Variants in SH3RF1 observed in about 807,000 individuals in gnomAD.
SH3RF1 encodes SH3 domain containing ring finger 1, also known as E3 ubiquitin-protein ligase SH3RF1.
A neutral mutation model predicts 74.0 loss-of-function variants in SH3RF1; 32 were observed. That is an observed-to-expected ratio of 0.43 (90% CI 0.33 to 0.58). The LOEUF (loss-of-function observed/expected upper bound fraction) is 0.58, where lower values mean the gene tolerates loss of function less well. Among genes scored for constraint, SH3RF1 ranks in the 20% least tolerant of loss-of-function variants. The pLI is 0.05. For missense variants in SH3RF1, 954 were observed against 1,130.9 expected, an observed-to-expected ratio of 0.84 and a Z score of 2.24; for synonymous variants, 396 against 439.6, an observed-to-expected ratio of 0.90 and a Z score of 1.24.
intron 2 of SH3RF1, among the ~76,000 whole-genome samples, chr4:169,240,220 A>G (rs186096528): frequency 2.7e-4 from 41 of 151,730 alleles, no homozygotes; most frequent in African/African-American, 9.9e-4. Flanking sequence ...TTTTTGAGAC[A>G]GGGTCTCACT....
chr4:169,258,434 T>C (rs1357391818), intron 2 of SH3RF1, among the ~76,000 whole-genome samples: 1 of 152,186 alleles, frequency 6.6e-6, no homozygotes, highest in Non-Finnish European at 1.5e-5. Context: ...GTCTTCTTAA[T>C]ATTTCAGACT....
At position 169,106,973 on chromosome 4, in the gene SH3RF1, G is replaced by T. The variant is rs998194230; in HGVS notation, c.2372C>A (p.Ala791Asp). 6.2e-7 allele frequency: 1 copy of T among 1,613,718 alleles called. No homozygotes were observed. Among genetic ancestry groups the T allele is most frequent in the African/African-American group, 1.3e-5 (1 of 74,910 alleles). The change falls in exon 11 of 12, where the codon GCC becomes GAC. Residue 791 changes from alanine to aspartate, a missense_variant. This residue lies in a region of SH3RF1 where 854 missense variants were observed against 962.5 expected (regional missense o/e 0.89). Transcript: ENST00000284637. ...VTTAVAGAAL[A>D]QDAFHRKASS... ...TGCCTTCCTATGAAAAGCATCCTGG[G>T]CCAGGGCTGCTCCTGCCACTGCAGT... is the stretch of plus-strand genomic sequence containing the variant.
At position 169,117,530 on chromosome 4, in the gene SH3RF1, C is replaced by T. The variant is rs769615070; in HGVS notation, c.1770G>A (p.Val590=). ...QMTVNQARNA[V]RTVAAHNQER... ...GCCTGGGTTCCTCCTTACCTGTCCT[C>T]ACAGCATTGCGGGCCTGGTTGACTG... The change falls in exon 9 of 12, where the codon GTG becomes GTA. Residue 590 remains valine, a synonymous_variant. Coordinates refer to ENST00000284637, the MANE Select transcript of SH3RF1 (RefSeq NM_020870.4). 2 of 1,614,224 alleles carry T rather than the reference C, an allele frequency of 1.2e-6. No individual in the cohort carries two copies. The highest frequency in any genetic ancestry group is 3.3e-5 in the Admixed American group (2 of 60,032).
chr4:169,135,178 C>CAA, intron 5 of SH3RF1, among the ~76,000 whole-genome samples: 1 of 151,714 alleles, frequency 6.6e-6, no homozygotes, highest in Non-Finnish European at 1.5e-5. Flanking sequence ...CTATTAAAAA[C>CAA]AAACAAACAA....
At position 169,218,195 on chromosome 4, in the gene SH3RF1, AAATAT is replaced by A. The variant is rs370050156; in HGVS notation, c.393+50620_393+50624del. On this transcript the variant is annotated intron_variant, in intron 2 of 11. Coordinates refer to ENST00000284637, the MANE Select transcript of SH3RF1 (RefSeq NM_020870.4). ...TGTTAATGATATGTGTAATATATGT[AAATAT>A]AATATAATATATAATATAATATAAA... 5.1e-3 allele frequency among the ~76,000 whole-genome samples: 743 copies of A among 145,330 alleles called. 3 individuals carry two copies. Among genetic ancestry groups the A allele is most frequent in the South Asian group, 0.019 (89 of 4,750 alleles).
chr4:169,197,130 C>T (rs188969796), intron 2 of SH3RF1, among the ~76,000 whole-genome samples: 3 of 152,044 alleles, frequency 2.0e-5, no homozygotes, highest in South Asian at 2.1e-4. Flanking sequence ...CTCAGCCTCC[C>T]GAGTAGCTGG....
intron 2 of SH3RF1, among the ~76,000 whole-genome samples, chr4:169,246,938 A>G (rs987792924): frequency 6.6e-6 from 1 of 152,240 alleles, no homozygotes; most frequent in African/African-American, 2.4e-5. Context: ...CTAAAAGAGG[A>G]AGGGGGAAGC....
At chr4:169,123,411 G>A (rs532572304) in intron 6 of SH3RF1, among the ~76,000 whole-genome samples, 6 of 152,288 alleles carry the variant, frequency 3.9e-5, no homozygotes, top group Middle Eastern at 3.4e-3. Context: ...TTTTGCTAAA[G>A]CGACTTTCAA....
chr4:169,207,530 C>A (rs377318199), intron 2 of SH3RF1, among the ~76,000 whole-genome samples: 10 of 152,148 alleles, frequency 6.6e-5, no homozygotes, highest in African/African-American at 1.4e-4. Context: ...TATACCAAAA[C>A]CTTTTAGGAT....
At chr4:169,114,404 C>A (rs998245496) in intron 10 of SH3RF1, among the ~76,000 whole-genome samples, 1 of 152,218 alleles carries the variant, frequency 6.6e-6, no homozygotes, top group Non-Finnish European at 1.5e-5. Context: ...TTCAGGCTAA[C>A]CACCTTGTCA....
At chr4:169,166,810 T>C (rs1734253408) in intron 2 of SH3RF1, 1 of 262,560 alleles carries the variant, frequency 3.8e-6, no homozygotes, top group Middle Eastern at 4.4e-4. Context: ...TGGTCCTCAA[T>C]TGAGTTCCTC....
At chr4:169,267,701 G>A (rs1334876355) in intron 2 of SH3RF1, among the ~76,000 whole-genome samples, 3 of 152,182 alleles carry the variant, frequency 2.0e-5, no homozygotes, top group African/African-American at 7.2e-5. Context: ...ATGAGCCTGA[G>A]AAAGTAGTAG....
intron 2 of SH3RF1, among the ~76,000 whole-genome samples, chr4:169,204,591 G>A (rs982289095): frequency 1.5e-5 from 2 of 130,978 alleles, no homozygotes; most frequent in East Asian, 2.2e-4. Flanking sequence ...TCATTTTGTC[G>A]CCAGGCTGGA....
At chr4:169,196,225 C>T (rs1268429882) in intron 2 of SH3RF1, among the ~76,000 whole-genome samples, 1 of 152,140 alleles carries the variant, frequency 6.6e-6, no homozygotes, top group Non-Finnish European at 1.5e-5. Context: ...CTTCCTACTT[C>T]AAGTGTGTGT....
At chr4:169,202,543 C>G (rs570753346) in intron 2 of SH3RF1, among the ~76,000 whole-genome samples, 10 of 152,312 alleles carry the variant, frequency 6.6e-5, no homozygotes, top group African/African-American at 2.2e-4. Flanking sequence ...CAGCTTACAG[C>G]TAGCTTATAA....
At chr4:169,200,548 A>T (rs1734891704) in intron 2 of SH3RF1, among the ~76,000 whole-genome samples, 1 of 152,188 alleles carries the variant, frequency 6.6e-6, no homozygotes, top group Non-Finnish European at 1.5e-5. Flanking sequence ...AGCTCACAAC[A>T]GGGATGAATC....
intron 2 of SH3RF1, among the ~76,000 whole-genome samples, chr4:169,186,551 GTTGT>G (rs1734605618): frequency 6.6e-6 from 1 of 151,694 alleles, no homozygotes; most frequent in Non-Finnish European, 1.5e-5. Context: ...GTTGACTTAT[GTTGT>G]TTTAGAAAAT....
chr4:169,263,285 T>G (rs979581439), intron 2 of SH3RF1, among the ~76,000 whole-genome samples: 1 of 152,216 alleles, frequency 6.6e-6, no homozygotes, highest in South Asian at 2.1e-4. Flanking sequence ...CCATCATAGA[T>G]AGAGACTTAT....
rs144654339 is a variant in SH3RF1 at position 169,122,122 on chromosome 4, G to A, written c.1324C>T (p.Arg442Trp). 7.4e-6 allele frequency: 12 copies of A among 1,612,730 alleles called. No individual in the cohort carries two copies. Among genetic ancestry groups the A allele is most frequent in the Admixed American group, 1.7e-5 (1 of 60,004 alleles). Residue 442 changes from arginine (R) to tryptophan (W), a missense_variant, in exon 7 of 12, where the codon CGG becomes TGG. Physicochemically the swap from Arg to Trp is moderately radical, Grantham distance 101. Coordinates refer to ENST00000284637, the MANE Select transcript of SH3RF1 (RefSeq NM_020870.4). Reference protein sequence around the residue: ...AGSTDQIAHLRPQTRPSVYVA... With the variant: ...AGSTDQIAHLWPQTRPSVYVA... ...TACACACTGGGGCGAGTCTGCGGCC[G>A]TAAATGTGCAATCTGGTCAGTGGAT... is the stretch of plus-strand genomic sequence containing the variant.
Sources: allele counts gnomAD v4.1 joint callset (sites outside exome capture counted in the v4.1 genomes callset), GRCh38; gene constraint gnomAD v4.1.1; regional missense constraint gnomAD v4.1.1; transcripts MANE v1.5; gene names NCBI Gene and HGNC (gene_info 2026-07-23, HGNC 2026-07-21).